Variants in GPC5 observed in about 807,000 individuals in gnomAD.
GPC5 encodes the protein glypican-5.
GPC5 carries 47 observed loss-of-function variants against 53.9 expected under a neutral mutation model. That is an observed-to-expected ratio of 0.87 (90% CI 0.69 to 1.11). GPC5 has a LOEUF of 1.11. Among genes scored for constraint, GPC5 ranks in the 50% most tolerant of loss-of-function variants. The pLI, the probability that GPC5 is intolerant of heterozygous loss-of-function variation, is 0.00. For missense variants in GPC5, 748 were observed against 713.1 expected (o/e 1.05, Z -0.56); for synonymous variants, 286 against 263.3 (o/e 1.09, Z -0.84).
At chr13:92,442,695 C>T (rs1393662657) in intron 7 of GPC5, among the ~76,000 whole-genome samples, 1 of 152,090 alleles carries the variant, frequency 6.6e-6, no homozygotes. Flanking sequence ...TTTCAGGAAG[C>T]TTACAACATT....
chr13:92,588,309 T>C (rs1348676146), intron 7 of GPC5, among the ~76,000 whole-genome samples: 5 of 152,216 alleles, frequency 3.3e-5, no homozygotes, highest in Non-Finnish European at 5.9e-5. Context: ...CCACATTTCC[T>C]TTATCCAGTC....
intron 7 of GPC5, among the ~76,000 whole-genome samples, chr13:92,166,501 A>G (rs765491740): frequency 6.6e-6 from 1 of 152,150 alleles, no homozygotes; most frequent in Non-Finnish European, 1.5e-5. Context: ...TTTTTAGTAC[A>G]TAAACCCATC....
At chr13:92,297,691 A>G (rs1475984704) in intron 7 of GPC5, among the ~76,000 whole-genome samples, 1 of 152,160 alleles carries the variant, frequency 6.6e-6, no homozygotes, top group Non-Finnish European at 1.5e-5. Flanking sequence ...GCGCCCTGAC[A>G]AAACAGGCCT....
At position 92,354,249 on chromosome 13, in the gene GPC5, G is replaced by A. The variant is rs546069554; in HGVS notation, c.1561+209260G>A. Among the ~76,000 whole-genome samples the A allele has an allele frequency of 1.7e-4, 26 of 152,194 alleles. No individual in the cohort carries two copies. In the South Asian group the frequency reaches 5.4e-3, roughly 32 times the overall value. On this transcript the variant is annotated intron_variant, in intron 7 of 7. Transcript: ENST00000377067. ...ATATACTTTTCCACAAAGAAATCAC[G>A]CTATTTCATATTAAATCATGGATTC...
At chr13:91,531,701 T>C (rs961412255) in intron 2 of GPC5, among the ~76,000 whole-genome samples, 2 of 152,184 alleles carry the variant, frequency 1.3e-5, no homozygotes, top group Admixed American at 1.3e-4. Flanking sequence ...TATACAAAAG[T>C]AGCAGCTTGA....
rs61041864 is a variant in GPC5, at chr13:92,464,500, TAAAG to T, written c.1561+319517_1561+319520del. Among the ~76,000 whole-genome samples, 759 of 152,198 alleles carry T rather than the reference TAAAG, an allele frequency of 5.0e-3. 6 individuals carry two copies. Among genetic ancestry groups the T allele is most frequent in the African/African-American group, 0.018 (730 of 41,552 alleles). On this transcript the variant is annotated intron_variant, in intron 7 of 7. Coordinates refer to ENST00000377067, the MANE Select transcript of GPC5 (RefSeq NM_004466.6). ...TATTTTTATCTTCATCCATTAACCC[TAAAG>T]AAAGAGAAGTTTCAATGAATGCACA...
At chr13:92,632,888 GTTTGT>G (rs890945414) in intron 7 of GPC5, among the ~76,000 whole-genome samples, 1 of 151,852 alleles carries the variant, frequency 6.6e-6, no homozygotes, top group African/African-American at 2.4e-5. Flanking sequence ...TTTTTTGTTT[GTTTGT>G]TTTGTTTTGT....
At chr13:91,596,173 GTAAT>G (rs1429534852) in intron 2 of GPC5, among the ~76,000 whole-genome samples, 1 of 152,080 alleles carries the variant, frequency 6.6e-6, no homozygotes, top group East Asian at 1.9e-4. Context: ...CTGGTTTAAT[GTAAT>G]TAATAAAGCA....
intron 7 of GPC5, among the ~76,000 whole-genome samples, chr13:92,538,237 C>T (rs994789155): frequency 1.0e-5 from 1 of 97,692 alleles, no homozygotes; most frequent in Non-Finnish European, 2.4e-5. Context: ...GTTCCCTCTC[C>T]TCTTTTCCCC....
chr13:91,521,534 T>G (rs1290261384), intron 2 of GPC5, among the ~76,000 whole-genome samples: 1 of 152,244 alleles, frequency 6.6e-6, no homozygotes, highest in Non-Finnish European at 1.5e-5. Context: ...AATTCCTTTA[T>G]ACAGTTTTGT....
intron 6 of GPC5, among the ~76,000 whole-genome samples, chr13:92,056,837 C>G (rs1337084065): frequency 6.6e-6 from 1 of 152,184 alleles, no homozygotes; most frequent in African/African-American, 2.4e-5. Context: ...ACACTGTTAT[C>G]AAGTTCATAT....
intron 7 of GPC5, among the ~76,000 whole-genome samples, chr13:92,229,548 C>T (rs139651493): frequency 1.3e-5 from 2 of 151,952 alleles, no homozygotes; most frequent in East Asian, 1.9e-4. Flanking sequence ...GTTATTGTTC[C>T]AGAAATTTTT....
intron 1 of GPC5, among the ~76,000 whole-genome samples, chr13:91,431,072 G>T (rs1879411956): frequency 6.6e-6 from 1 of 152,058 alleles, no homozygotes; most frequent in Non-Finnish European, 1.5e-5. Flanking sequence ...ATGGGATTTT[G>T]TTTGCCATGC....
chr13:92,773,185 T>C (rs1236725527), intron 7 of GPC5, among the ~76,000 whole-genome samples: 1 of 152,176 alleles, frequency 6.6e-6, no homozygotes, highest in African/African-American at 2.4e-5. Flanking sequence ...CTGAAATAAA[T>C]ACACATTCTC....
chr13:91,499,023 T>C (rs1453140419), intron 2 of GPC5, among the ~76,000 whole-genome samples: 1 of 151,366 alleles, frequency 6.6e-6, no homozygotes, highest in Non-Finnish European at 1.5e-5. Flanking sequence ...TGATCCATGA[T>C]TAGGGATGGG....
At chr13:92,297,059 C>T (rs560489474) in intron 7 of GPC5, among the ~76,000 whole-genome samples, 78 of 152,342 alleles carry the variant, frequency 5.1e-4, no homozygotes, top group African/African-American at 1.1e-3. Context: ...AAGCGCATGG[C>T]GCAGGACTGG....
At chr13:92,423,957 G>A (rs1370744400) in intron 7 of GPC5, among the ~76,000 whole-genome samples, 2 of 152,136 alleles carry the variant, frequency 1.3e-5, no homozygotes, top group Non-Finnish European at 2.9e-5. Flanking sequence ...TCCATGTGTA[G>A]TATGTTGTAA....
chr13:91,501,345 G>C (rs544208221), intron 2 of GPC5, among the ~76,000 whole-genome samples: 6 of 149,688 alleles, frequency 4.0e-5, no homozygotes, highest in Non-Finnish European at 8.9e-5. Flanking sequence ...GCTGCACCCA[G>C]TAACTCGTCA....
chr13:92,730,961 A>C (rs948847221), intron 7 of GPC5, among the ~76,000 whole-genome samples: 6 of 151,332 alleles, frequency 4.0e-5, no homozygotes, highest in African/African-American at 1.5e-4. Context: ...CATGGAGATG[A>C]GATTAGGGAG....
Sources: allele counts gnomAD v4.1 joint callset (sites outside exome capture counted in the v4.1 genomes callset), GRCh38; gene constraint gnomAD v4.1.1; transcripts MANE v1.5; gene names NCBI Gene and HGNC (gene_info 2026-07-23, HGNC 2026-07-21).